The following SRPK2 variants were observed in gnomAD, a reference collection of about 807,000 sequenced individuals.
SRPK2 encodes the protein SFRS protein kinase 2.
SRPK2 carries 21 observed loss-of-function variants against 90.8 expected under a neutral mutation model. The ratio of observed to expected loss-of-function variants is 0.23; its 90% CI spans 0.16 to 0.33. The LOEUF (loss-of-function observed/expected upper bound fraction) is 0.33, where lower values mean the gene tolerates loss of function less well. Ranked by LOEUF, SRPK2 falls within the 10% of genes least tolerant of loss-of-function variation. The probability of loss-of-function intolerance (pLI) is 1.00; values close to 1 mark genes in which losing one functional copy is unlikely to be tolerated. For synonymous variants in SRPK2, 288 were observed against 311.1 expected, an observed-to-expected ratio of 0.93 and a Z score of 0.78; for missense variants, 620 against 869.0, an observed-to-expected ratio of 0.71 and a Z score of 3.60.
chr7:105,381,985 T>A (rs1243757091), intron 2 of SRPK2, among the ~76,000 whole-genome samples: 1 of 151,988 alleles, frequency 6.6e-6, no homozygotes, highest in Admixed American at 6.6e-5. Context: ...CTGACCAAGA[T>A]GGTGAAACCC....
intron 13 of SRPK2, among the ~76,000 whole-genome samples, chr7:105,130,803 CAA>C (rs397976737): frequency 1.6e-5 from 2 of 128,634 alleles, no homozygotes; most frequent in Non-Finnish European, 3.4e-5. Flanking sequence ...TGCCCCTTTC[CAA>C]AAAAAAAAAA....
At chr7:105,205,576 C>T (rs965908650) in intron 2 of SRPK2, among the ~76,000 whole-genome samples, 1 of 141,452 alleles carries the variant, frequency 7.1e-6, no homozygotes, top group African/African-American at 2.6e-5. Flanking sequence ...CACACCACTT[C>T]CAGAATACAT....
At chr7:105,297,148 T>C (rs185717241) in intron 2 of SRPK2, among the ~76,000 whole-genome samples, 124 of 152,306 alleles carry the variant, frequency 8.1e-4, no homozygotes, top group African/African-American at 2.3e-3. Context: ...ATTCTCAAAC[T>C]GAAATAAACA....
intron 2 of SRPK2, among the ~76,000 whole-genome samples, chr7:105,375,868 T>C (rs1051128270): frequency 1.3e-5 from 2 of 151,430 alleles, no homozygotes; most frequent in Non-Finnish European, 2.9e-5. Context: ...ATGCAACTTA[T>C]AGCTGGGCAC....
At chr7:105,269,714 TAAG>T (rs1392611821) in intron 2 of SRPK2, among the ~76,000 whole-genome samples, 1 of 152,208 alleles carries the variant, frequency 6.6e-6, no homozygotes, top group Non-Finnish European at 1.5e-5. Context: ...AGGGAAAAGA[TAAG>T]GAGACAATCT....
upstream of SRPK2, among the ~76,000 whole-genome samples, chr7:105,391,650 G>A (rs1822186251): frequency 6.6e-6 from 1 of 152,050 alleles, no homozygotes; most frequent in African/African-American, 2.4e-5. Flanking sequence ...ACTCCAGCCT[G>A]GGCAACAGAG....
At chr7:105,280,142 G>A (rs1026523288) in intron 2 of SRPK2, among the ~76,000 whole-genome samples, 20 of 152,096 alleles carry the variant, frequency 1.3e-4, no homozygotes, top group South Asian at 6.2e-4. Flanking sequence ...TAAGCTGAGC[G>A]CAGTGGCTCA....
At chr7:105,269,693 GA>G (rs1370628458) in intron 2 of SRPK2, among the ~76,000 whole-genome samples, 2 of 152,162 alleles carry the variant, frequency 1.3e-5, no homozygotes, top group African/African-American at 2.4e-5. Context: ...AAGGAAGGGT[GA>G]AAATAAGAGA....
chr7:105,390,633 A>G (rs182831014), upstream of SRPK2, among the ~76,000 whole-genome samples: 323 of 68,618 alleles, frequency 4.7e-3, 11 homozygotes, highest in East Asian at 0.22. Context: ...TTTTTTTTTT[A>G]GTAGAGACAG....
intron 2 of SRPK2, among the ~76,000 whole-genome samples, chr7:105,378,546 C>T (rs1306794771): frequency 2.0e-5 from 3 of 151,982 alleles, no homozygotes; most frequent in African/African-American, 4.8e-5. Context: ...GGGCAGATCA[C>T]GAAGTCAAGA....
chr7:105,371,515 G>A (rs905316869), intron 2 of SRPK2, among the ~76,000 whole-genome samples: 1 of 145,846 alleles, frequency 6.9e-6, no homozygotes, highest in Non-Finnish European at 1.5e-5. Flanking sequence ...ACTCTGGGAG[G>A]TTAGGGTGGG....
At chr7:105,136,081 TCTTGTA>T (rs954830682) in intron 11 of SRPK2, among the ~76,000 whole-genome samples, 22 of 152,274 alleles carry the variant, frequency 1.4e-4, no homozygotes, top group African/African-American at 4.1e-4. Flanking sequence ...CAGGGGTGTT[TCTTGTA>T]CTTAATATCC....
At chr7:105,274,932 C>CG (rs1806290245) in intron 2 of SRPK2, among the ~76,000 whole-genome samples, 1 of 151,470 alleles carries the variant, frequency 6.6e-6, no homozygotes, top group African/African-American at 2.4e-5. Context: ...CTCACTCTGT[C>CG]GCCCAAGCTG....
At chr7:105,230,543 A>C (rs1297614592) in intron 2 of SRPK2, among the ~76,000 whole-genome samples, 1 of 152,214 alleles carries the variant, frequency 6.6e-6, no homozygotes, top group Non-Finnish European at 1.5e-5. Flanking sequence ...GGAAGGTAAA[A>C]AGATTTACCC....
intron 4 of SRPK2, 128 bp from the exon 5 acceptor site, chr7:105,168,223 T>C (rs1242620829): frequency 4.4e-4 from 314 of 707,894 alleles, no homozygotes; most frequent in Non-Finnish European, 8.1e-5. Flanking sequence ...TAAAACATTA[T>C]GAGTGTGTCA....
intron 2 of SRPK2, among the ~76,000 whole-genome samples, chr7:105,341,357 CAAAAAAAA>C (rs746893526): frequency 1.5e-5 from 1 of 66,774 alleles, no homozygotes; most frequent in Non-Finnish European, 2.8e-5. Context: ...GACTCCGTCT[CAAAAAAAA>C]AAAAAAAAAA....
chr7:105,391,247 C>G (rs201377577), upstream of SRPK2, among the ~76,000 whole-genome samples: 2 of 151,110 alleles, frequency 1.3e-5, no homozygotes, highest in East Asian at 3.9e-4. Flanking sequence ...CTCTTGTTGC[C>G]CAGGCTGGAG....
rs138548891 is a variant in SRPK2, at chr7:105,320,549, A to G, written c.71+68099T>C. Among the ~76,000 whole-genome samples, 427 of 152,332 alleles carry G rather than the reference A, an allele frequency of 2.8e-3. 10 individuals are homozygous for G. In the East Asian group the frequency reaches 0.055, roughly 19 times the overall value. ...CAAAACCAAGAGGCAAACTAAATAC[A>G]TCTTGTAAGGCGACCCATAAAAATA... is the stretch of plus-strand genomic sequence containing the variant. On this transcript the variant is annotated intron_variant, in intron 2 of 15. Coordinates refer to ENST00000393651, the MANE Select transcript of SRPK2 (RefSeq NM_182692.3).
chr7:105,140,591 G>C (rs954178721), intron 11 of SRPK2, among the ~76,000 whole-genome samples: 12 of 150,856 alleles, frequency 8.0e-5, no homozygotes, highest in African/African-American at 2.9e-4. Flanking sequence ...ACTAGAGTGA[G>C]ACTGTCTCAA....
Sources: allele counts gnomAD v4.1 joint callset (sites outside exome capture counted in the v4.1 genomes callset), GRCh38; gene constraint gnomAD v4.1.1; transcripts MANE v1.5; gene names NCBI Gene and HGNC (gene_info 2026-07-23, HGNC 2026-07-21).